The following PLXDC1 variants were observed in gnomAD, a reference collection of about 807,000 sequenced individuals.
PLXDC1 encodes plexin domain-containing protein 1.
Under a neutral mutation model 61.3 loss-of-function variants are expected in PLXDC1, and 39 were observed. That is an observed-to-expected ratio of 0.64 (90% CI 0.49 to 0.83). The LOEUF (loss-of-function observed/expected upper bound fraction) is 0.83. Among genes scored for constraint, PLXDC1 ranks in the 40% least tolerant of loss-of-function variants. The probability of loss-of-function intolerance (pLI) is 0.00; values close to 1 mark genes in which losing one functional copy is unlikely to be tolerated. For missense variants in PLXDC1, 596 were observed against 666.5 expected (o/e 0.89, Z 1.17); for synonymous variants, 212 against 254.5 (o/e 0.83, Z 1.59).
chr17:39,128,125 A>ATGTGTATATATATGTGTATATATG (rs1567769605), intron 2 of PLXDC1, among the ~76,000 whole-genome samples: 1 of 36,738 alleles, frequency 2.7e-5, no homozygotes, highest in Non-Finnish European at 5.5e-5. Context: ...GTATATATAT[A>ATGTGTATATATATGTGTATATATG]TGTGTATATA....
chr17:39,107,445 G>C lies in PLXDC1; in HGVS notation c.673C>G (p.Leu225Val). 1 of 1,614,010 alleles carries C rather than the reference G, an allele frequency of 6.2e-7. No individual in the cohort carries two copies. The highest frequency in any genetic ancestry group is 8.5e-7 in the Non-Finnish European group (1 of 1,179,888). ...AAGACAATGCGGCCGTCATGGTGCA[G>C]AGCTGCCTGGAAGGTGAAACTGCCC... is the stretch of plus-strand genomic sequence containing the variant. ...DKGSFTFQAA[L>V]HHDGRIVFAY... is the part of the protein sequence containing the mutation. The change falls in exon 6 of 14, where the codon CTG (leucine) becomes GTG (valine). Residue 225 changes from leucine to valine, a missense_variant. Physicochemically the swap from Leu to Val is conservative, Grantham distance 32. Coordinates refer to ENST00000315392, the MANE Select transcript of PLXDC1 (RefSeq NM_020405.5).
At chr17:39,141,375 G>A (rs1206805021) in intron 1 of PLXDC1, among the ~76,000 whole-genome samples, 1 of 152,094 alleles carries the variant, frequency 6.6e-6, no homozygotes, top group Non-Finnish European at 1.5e-5. Context: ...CATATAAATG[G>A]CATCATACTA....
intron 2 of PLXDC1, among the ~76,000 whole-genome samples, chr17:39,130,224 A>C (rs1293757669): frequency 6.6e-6 from 1 of 152,198 alleles, no homozygotes; most frequent in Non-Finnish European, 1.5e-5. Context: ...AGGCCAAGGC[A>C]GGAGGATCAC....
chr17:39,124,452 G>C (rs1049303915), intron 2 of PLXDC1, among the ~76,000 whole-genome samples: 3 of 152,184 alleles, frequency 2.0e-5, no homozygotes, highest in Admixed American at 2.0e-4. Context: ...AACTAGCTGG[G>C]TGTGGTGGAG....
intron 7 of PLXDC1, among the ~76,000 whole-genome samples, chr17:39,104,902 C>T (rs1258895308): frequency 6.6e-6 from 1 of 152,226 alleles, no homozygotes; most frequent in South Asian, 2.1e-4. Flanking sequence ...ACTCAGAACA[C>T]GTGTACTGAT....
chr17:39,099,674 T>C (rs1255694126), intron 7 of PLXDC1, among the ~76,000 whole-genome samples: 3 of 152,194 alleles, frequency 2.0e-5, no homozygotes, highest in Non-Finnish European at 2.9e-5. Flanking sequence ...GAATTCTTCC[T>C]TTCATAGCTG....
chr17:39,109,236 T>C lies in PLXDC1; in HGVS notation c.399+12A>G, dbSNP rs1910708670. 3 of 1,601,460 alleles carry C rather than the reference T, an allele frequency of 1.9e-6. No individual in the cohort carries two copies. The highest frequency in any genetic ancestry group is 2.6e-6 in the Non-Finnish European group (3 of 1,172,310). On this transcript the variant is annotated intron_variant, in intron 3 of 13. Transcript: ENST00000315392. ...AGCACAGGGAAGCATGGCTGGCGAC[T>C]GGGGCACTCACCGAAGCCTGCCGGT...
At chr17:39,129,088 C>T (rs899682469) in intron 2 of PLXDC1, among the ~76,000 whole-genome samples, 6 of 151,456 alleles carry the variant, frequency 4.0e-5, no homozygotes, top group African/African-American at 1.5e-4. Flanking sequence ...GAGGCCAAGA[C>T]AGGTGGATCA....
intron 2 of PLXDC1, among the ~76,000 whole-genome samples, chr17:39,138,115 T>G (rs1249657186): frequency 6.6e-6 from 1 of 152,086 alleles, no homozygotes; most frequent in Non-Finnish European, 1.5e-5. Flanking sequence ...GTTTTAATTT[T>G]TTAGAGACGT....
At position 39,087,617 on chromosome 17, in the gene PLXDC1, G is replaced by A; in HGVS notation, c.897C>T (p.Thr299=). The A allele has an allele frequency of 6.2e-7, 1 of 1,613,106 alleles. No homozygotes were observed. The highest frequency in any genetic ancestry group is 1.6e-4 in the Middle Eastern group (1 of 6,062). ...ATGACCCCTACTCACTCGGCAATGG[G>A]GTGAACTCCACGGCCGACATGCTGG... ...KVTSMSAVEF[T]PLPTCLQHRS... Residue 299 remains threonine, a synonymous_variant, in exon 8 of 14, where the codon ACC becomes ACT. Coordinates refer to ENST00000315392, the MANE Select transcript of PLXDC1 (RefSeq NM_020405.5).
rs1302311628 is a variant in PLXDC1, at chr17:39,067,129, G to C, written c.*711C>G. On this transcript the variant is annotated 3_prime_UTR_variant, in exon 14 of 14. Transcript: ENST00000315392. Reference sequence around the variant, plus strand: ...TAGCCAATACGTTGAGAGACAAGGAGTTGGAGCAAGGAAAGGGACTTTATT... The same window carrying C: ...TAGCCAATACGTTGAGAGACAAGGACTTGGAGCAAGGAAAGGGACTTTATT... 3.3e-5 allele frequency: 5 copies of C among 152,264 alleles called. No individual in the cohort carries two copies. 9.4% of individuals were successfully genotyped at this position (152,264 alleles called of 1,614,324 possible). A position where few individuals can be genotyped will look rare whatever the true frequency, so the allele number is the denominator to read the frequency against.
intron 2 of PLXDC1, among the ~76,000 whole-genome samples, chr17:39,132,329 C>T (rs924318947): frequency 2.0e-5 from 3 of 152,126 alleles, no homozygotes; most frequent in Non-Finnish European, 4.4e-5. Flanking sequence ...TGACTCAGCA[C>T]ATCCCAGGAT....
intron 9 of PLXDC1, among the ~76,000 whole-genome samples, chr17:39,082,034 G>A (rs1026237070): frequency 6.6e-6 from 1 of 152,174 alleles, no homozygotes; most frequent in African/African-American, 2.4e-5. Context: ...ATTTTACAGG[G>A]TAAACAATCT....
intron 1 of PLXDC1, among the ~76,000 whole-genome samples, chr17:39,148,058 C>T (rs185410024): frequency 2.0e-5 from 3 of 152,090 alleles, no homozygotes; most frequent in East Asian, 1.9e-4. Context: ...ATCTGTCGAT[C>T]GGAGGGGACG....
chr17:39,129,119 A>C (rs1447795200), intron 2 of PLXDC1, among the ~76,000 whole-genome samples: 1 of 151,268 alleles, frequency 6.6e-6, no homozygotes, highest in Non-Finnish European at 1.5e-5. Context: ...AGAGTTCAAG[A>C]CCGGCCTGGT....
At chr17:39,115,211 A>T (rs892400549) in intron 2 of PLXDC1, among the ~76,000 whole-genome samples, 1 of 152,180 alleles carries the variant, frequency 6.6e-6, no homozygotes, top group African/African-American at 2.4e-5. Context: ...ACTGACAGAA[A>T]ACTTCCATCT....
chr17:39,102,728 ACACACACACACACT>A (rs1216226472), intron 7 of PLXDC1, among the ~76,000 whole-genome samples: 16 of 126,668 alleles, frequency 1.3e-4, no homozygotes, highest in South Asian at 2.6e-4. Context: ...ACACACACAC[ACACACACACACACT>A]CACTCACCTG....
In PLXDC1 at chr17:39,151,403, AGCACCAGCACCAGGAGCCAGAGCTC is replaced by A; in HGVS notation, c.10_34del (p.Glu4SerfsTer8). ...GCTCAGCGCCCGGGCAGCCTCCCTG[AGCACCAGCACCAGGAGCCAGAGCTC>A]GCCTCGCATGGTGGGTGCCCGGACC... On this transcript the variant is annotated frameshift_variant, in exon 1 of 14. Coordinates refer to ENST00000315392, the MANE Select transcript of PLXDC1 (RefSeq NM_020405.5). LOFTEE classifies it high-confidence loss of function. This position sits in a 1 kb window ranked among gnomAD's most constrained non-coding sequence, Gnocchi z 5.2. 7.7e-7 allele frequency: 1 copy of A among 1,295,538 alleles called. No individual in the cohort carries two copies. Among genetic ancestry groups the A allele is most frequent in the Non-Finnish European group, 9.8e-7 (1 of 1,020,036 alleles). 80.3% of individuals were successfully genotyped at this position (1,295,538 alleles called of 1,614,324 possible).
At chr17:39,128,617 G>A (rs183515604) in intron 2 of PLXDC1, among the ~76,000 whole-genome samples, 1 of 152,282 alleles carries the variant, frequency 6.6e-6, no homozygotes, top group African/African-American at 2.4e-5. Context: ...AAATAGTTCA[G>A]TTGCTGTGGA....
Sources: gnomAD v4.1 joint callset for allele counts (sites outside exome capture counted in the v4.1 genomes callset) on GRCh38, gnomAD v4.1.1 for gene constraint, Gnocchi (gnomAD v3.1) non-coding constraint, MANE v1.5 for transcripts, NCBI Gene and HGNC (gene_info 2026-07-23, HGNC 2026-07-21) for gene names.